The following MICU1 variants were observed in gnomAD, a reference collection of about 807,000 sequenced individuals.
MICU1 encodes the protein calcium uptake protein 1, mitochondrial.
Under a neutral mutation model 56.8 loss-of-function variants are expected in MICU1, and 45 were observed. The ratio of observed to expected loss-of-function variants is 0.79; its 90% CI spans 0.62 to 1.02. The LOEUF (loss-of-function observed/expected upper bound fraction) is 1.02. Among genes scored for constraint, MICU1 ranks in the 50% least tolerant of loss-of-function variants. The pLI, the probability that MICU1 is intolerant of heterozygous loss-of-function variation, is 0.00. For missense variants in MICU1, 504 were observed against 587.1 expected, an observed-to-expected ratio of 0.86 and a Z score of 1.46; for synonymous variants, 186 against 195.1, an observed-to-expected ratio of 0.95 and a Z score of 0.39.
At chr10:72,561,193 T>C (rs780917804) in intron 3 of MICU1, among the ~76,000 whole-genome samples, 3 of 152,208 alleles carry the variant, frequency 2.0e-5, no homozygotes, top group Non-Finnish European at 4.4e-5. Flanking sequence ...ATCACACAGA[T>C]AGCTTTAATT....
At position 72,580,703 on chromosome 10, in the gene MICU1, C is replaced by T. The variant is rs556853646; in HGVS notation, c.-1-13909G>A. On this transcript the variant is annotated intron_variant, in intron 1 of 11. Transcript: ENST00000361114. ...TGTTGGCCAGGTTGGTCTTGAACTC[C>T]TGACCTCAGGTGATCCACCCACCTC... Among the ~76,000 whole-genome samples the T allele has an allele frequency of 5.4e-4, 83 of 152,296 alleles. 1 individual carries two copies. Among genetic ancestry groups the T allele is most frequent in the Middle Eastern group, 3.4e-3 (1 of 294 alleles).
chr10:72,532,614 A>G (rs188734668), intron 5 of MICU1, among the ~76,000 whole-genome samples: 1 of 152,312 alleles, frequency 6.6e-6, no homozygotes, highest in Admixed American at 6.5e-5. Flanking sequence ...GGATCAGAGA[A>G]AAGATGAAGC....
intron 2 of MICU1, among the ~76,000 whole-genome samples, chr10:72,564,220 CACTGCACAGTATG>C (rs1426522589): frequency 2.6e-5 from 4 of 152,118 alleles, no homozygotes; most frequent in Admixed American, 2.6e-4. Context: ...TGCTTTCAGA[CACTGCACAGTATG>C]CAACTCTCTA....
chr10:72,588,915 A>T (rs1356619667), intron 1 of MICU1, among the ~76,000 whole-genome samples: 3 of 152,218 alleles, frequency 2.0e-5, no homozygotes, highest in Non-Finnish European at 4.4e-5. Flanking sequence ...AAACAACAAA[A>T]AATCCCACTA....
At chr10:72,623,796 A>G (rs1217531537) in intron 1 of MICU1, among the ~76,000 whole-genome samples, 1 of 152,056 alleles carries the variant, frequency 6.6e-6, no homozygotes, top group African/African-American at 2.4e-5. Flanking sequence ...CCGAGATCAC[A>G]CCACTGCACT....
At chr10:72,541,774 A>G (rs1839778520) in intron 4 of MICU1, among the ~76,000 whole-genome samples, 1 of 152,202 alleles carries the variant, frequency 6.6e-6, no homozygotes, top group Admixed American at 6.5e-5. Context: ...AATCAGCTCT[A>G]TCTGTGCAGT....
intron 10 of MICU1, among the ~76,000 whole-genome samples, chr10:72,380,970 A>G (rs1180780347): frequency 2.0e-5 from 3 of 152,328 alleles, no homozygotes; most frequent in African/African-American, 7.2e-5. Context: ...CTACAGTGGA[A>G]GACACTGAGT....
intron 1 of MICU1, among the ~76,000 whole-genome samples, chr10:72,618,251 T>C (rs946585266): frequency 6.6e-6 from 1 of 152,110 alleles, no homozygotes; most frequent in Non-Finnish European, 1.5e-5. Context: ...CATTGTTTTC[T>C]AAAAATAATT....
chr10:72,578,632 G>C (rs1311559351), intron 1 of MICU1, among the ~76,000 whole-genome samples: 1 of 151,888 alleles, frequency 6.6e-6, no homozygotes, highest in African/African-American at 2.4e-5. Flanking sequence ...TTTTGAGACA[G>C]AGTCTCGCTT....
intron 8 of MICU1, among the ~76,000 whole-genome samples, chr10:72,445,082 T>C (rs967011554): frequency 9.9e-5 from 15 of 152,134 alleles, no homozygotes; most frequent in African/African-American, 3.6e-4. Flanking sequence ...ATATATAAAG[T>C]TCTCAATAAT....
chr10:72,396,043 C>T (rs1487759306), intron 10 of MICU1, among the ~76,000 whole-genome samples: 2 of 152,206 alleles, frequency 1.3e-5, no homozygotes, highest in Non-Finnish European at 2.9e-5. Context: ...ACAGACACCT[C>T]ATACAGGCGG....
intron 6 of MICU1, among the ~76,000 whole-genome samples, chr10:72,505,853 A>T (rs1244684192): frequency 6.6e-6 from 1 of 152,250 alleles, no homozygotes; most frequent in East Asian, 1.9e-4. Flanking sequence ...AAACCTACCT[A>T]TTGGGTACTA....
chr10:72,591,015 T>A (rs948057994), intron 1 of MICU1, among the ~76,000 whole-genome samples: 12 of 151,970 alleles, frequency 7.9e-5, no homozygotes, highest in Admixed American at 3.9e-4. Flanking sequence ...TCAATAGATT[T>A]TGAAACATAG....
intron 4 of MICU1, among the ~76,000 whole-genome samples, chr10:72,541,839 T>C (rs924215924): frequency 1.3e-5 from 2 of 152,198 alleles, no homozygotes; most frequent in Admixed American, 6.5e-5. Context: ...AATAAATGTT[T>C]GTTATGCCAC....
chr10:72,473,288 G>C (rs1363732545), intron 8 of MICU1: 2 of 151,942 alleles, frequency 1.3e-5, no homozygotes, highest in Non-Finnish European at 2.9e-5. Flanking sequence ...GTTAAATCAA[G>C]AAATAAATGT....
rs141436847 is a variant in MICU1 at position 72,546,014 on chromosome 10, T to C, written c.493+5165A>G. On this transcript the variant is annotated intron_variant, in intron 4 of 11. Transcript: ENST00000361114. ...TTCCAACAAAGAGTATAATGAGGCA[T>C]GTCCAAACCCCCTTCCCAACATGGC... Among the ~76,000 whole-genome samples the C allele has an allele frequency of 1.7e-3, 262 of 152,260 alleles. 1 individual carries two copies. The highest frequency in any genetic ancestry group is 6.1e-3 in the African/African-American group (253 of 41,546).
intron 6 of MICU1, among the ~76,000 whole-genome samples, chr10:72,482,405 T>C (rs1203263205): frequency 1.3e-5 from 2 of 152,192 alleles, no homozygotes; most frequent in African/African-American, 2.4e-5. Context: ...AGAGGATAAA[T>C]GAGGTAATTG....
intron 1 of MICU1, among the ~76,000 whole-genome samples, chr10:72,605,003 A>C (rs554203639): frequency 5.8e-4 from 89 of 152,320 alleles, no homozygotes; most frequent in African/African-American, 2.0e-3. Flanking sequence ...TAAAATGCTG[A>C]GTACAATGCC....
intron 7 of MICU1, 116 bp from the exon 8 acceptor site, chr10:72,475,413 T>A: frequency 1.0e-6 from 1 of 980,224 alleles, no homozygotes. Flanking sequence ...ATTATAATTA[T>A]CTCTTTTAAT....
Sources: allele counts gnomAD v4.1 joint callset (sites outside exome capture counted in the v4.1 genomes callset), GRCh38; gene constraint gnomAD v4.1.1; transcripts MANE v1.5; gene names NCBI Gene and HGNC (gene_info 2026-07-23, HGNC 2026-07-21).